Variants in DLC1 observed in about 807,000 individuals in gnomAD.
The protein encoded by DLC1 is rho GTPase-activating protein 7.
A neutral mutation model predicts 140.3 loss-of-function variants in DLC1; 54 were observed. The ratio of observed to expected loss-of-function variants is 0.38; its 90% CI spans 0.31 to 0.48. DLC1 has a LOEUF of 0.48. Ranked by LOEUF, DLC1 falls within the 20% of genes least tolerant of loss-of-function variation. The probability of loss-of-function intolerance (pLI) is 0.96; values close to 1 mark genes in which losing one functional copy is unlikely to be tolerated. For missense variants in DLC1, 2,536 were observed against 1,907.0 expected (o/e 1.33, Z -6.14); for synonymous variants, 986 against 728.1 (o/e 1.35, Z -5.70).
chr8:13,474,309 T>C (rs891556585), intron 2 of DLC1, among the ~76,000 whole-genome samples: 7 of 152,104 alleles, frequency 4.6e-5, no homozygotes, highest in African/African-American at 2.4e-5. Context: ...AAGTCAAGAA[T>C]TGGGGATTGG....
chr8:13,157,921 C>G (rs1379630450), intron 5 of DLC1, among the ~76,000 whole-genome samples: 1 of 152,186 alleles, frequency 6.6e-6, no homozygotes, highest in Non-Finnish European at 1.5e-5. Context: ...GGAAAACTTA[C>G]TCATTTAGTT....
intron 1 of DLC1, among the ~76,000 whole-genome samples, chr8:13,512,853 T>C (rs988504499): frequency 6.6e-6 from 1 of 152,056 alleles, no homozygotes; most frequent in African/African-American, 2.4e-5. Flanking sequence ...TATAATAAAA[T>C]AGTCATAAAG....
rs192497978 is a variant in DLC1 at position 13,142,151 on chromosome 8, A to G, written c.1349-26494T>C. Among the ~76,000 whole-genome samples the G allele has an allele frequency of 4.3e-3, 662 of 152,348 alleles. 9 individuals are homozygous for G. The highest frequency in any genetic ancestry group is 0.022 in the South Asian group (108 of 4,832). On this transcript the variant is annotated intron_variant, in intron 5 of 17. Transcript: ENST00000276297. ...ACTTGCTTCTGCTTCAGCTTCCGCC[A>G]TGATTGTAAGTTTCCTGAGCCTTCC... is the stretch of plus-strand genomic sequence containing the variant.
intron 5 of DLC1, among the ~76,000 whole-genome samples, chr8:13,216,679 C>T (rs2117130480): frequency 6.6e-6 from 1 of 152,242 alleles, no homozygotes. Context: ...CAGGGTTTCT[C>T]AACCTCAGGA....
chr8:13,580,286 C>T (rs1805045143), intron 1 of DLC1, among the ~76,000 whole-genome samples: 2 of 152,206 alleles, frequency 1.3e-5, no homozygotes, highest in East Asian at 3.9e-4. Flanking sequence ...CCACGCGCGG[C>T]TAATTTTTGT....
chr8:13,099,319 C>T, intron 9 of DLC1, 28 bp downstream of exon 9: 1 of 1,593,954 alleles, frequency 6.3e-7, no homozygotes, highest in South Asian at 1.2e-5. Flanking sequence ...CAGTGCCCCA[C>T]ACCCGGAGGC....
intron 1 of DLC1, among the ~76,000 whole-genome samples, chr8:13,581,425 A>G (rs62493201): frequency 0.075 from 11,434 of 152,180 alleles, 661 homozygotes; most frequent in Admixed American, 0.18. Context: ...AATAGAACTA[A>G]TATCTATCCA....
chr8:13,415,337 A>G (rs1838004727), intron 2 of DLC1, among the ~76,000 whole-genome samples: 2 of 152,140 alleles, frequency 1.3e-5, no homozygotes, highest in South Asian at 2.1e-4. Context: ...GCATAAGCAT[A>G]TAAGGATATG....
chr8:13,306,690 C>T (rs978589764), intron 4 of DLC1, among the ~76,000 whole-genome samples: 1 of 150,258 alleles, frequency 6.7e-6, no homozygotes, highest in Admixed American at 6.6e-5. Flanking sequence ...ACGTCTATAT[C>T]CTTGTGAAAT....
intron 2 of DLC1, among the ~76,000 whole-genome samples, chr8:13,473,247 C>G (rs1004009599): frequency 6.6e-6 from 1 of 152,220 alleles, no homozygotes; most frequent in East Asian, 1.9e-4. Context: ...GTGTCCCCAC[C>G]CAAATCTCAT....
At chr8:13,485,667 A>G (rs779944393) in intron 2 of DLC1, among the ~76,000 whole-genome samples, 14 of 152,224 alleles carry the variant, frequency 9.2e-5, no homozygotes, top group Non-Finnish European at 1.8e-4. Context: ...TAAATCTCGT[A>G]ATCTACAGAC....
chr8:13,421,319 T>C (rs925607415), intron 2 of DLC1, among the ~76,000 whole-genome samples: 1 of 152,158 alleles, frequency 6.6e-6, no homozygotes, highest in African/African-American at 2.4e-5. Flanking sequence ...GATGTGTCTC[T>C]GCAACCCCTA....
At chr8:13,157,894 AAAGC>A (rs1824374053) in intron 5 of DLC1, among the ~76,000 whole-genome samples, 1 of 152,240 alleles carries the variant, frequency 6.6e-6, no homozygotes, top group Non-Finnish European at 1.5e-5. Context: ...CAACAAAAAT[AAAGC>A]ACATTTTAAA....
chr8:13,248,563 C>T (rs909110887), intron 5 of DLC1, among the ~76,000 whole-genome samples: 2 of 152,184 alleles, frequency 1.3e-5, no homozygotes, highest in African/African-American at 4.8e-5. Context: ...CCTTGGCAGC[C>T]TCACCGTGGG....
intron 2 of DLC1, among the ~76,000 whole-genome samples, chr8:13,439,432 G>A (rs1452888106): frequency 1.3e-5 from 2 of 151,934 alleles, no homozygotes; most frequent in African/African-American, 4.8e-5. Context: ...ATTTAAGTTT[G>A]AGCACTCCAT....
chr8:13,300,508 C>T (rs769424417), intron 5 of DLC1, among the ~76,000 whole-genome samples: 21 of 152,158 alleles, frequency 1.4e-4, no homozygotes, highest in African/African-American at 5.1e-4. Flanking sequence ...CCCCCTCCCC[C>T]AGTCTCCTGC....
intron 1 of DLC1, among the ~76,000 whole-genome samples, chr8:13,599,681 G>A (rs1805805109): frequency 6.6e-6 from 1 of 151,884 alleles, no homozygotes. Context: ...CATATACCTT[G>A]CATATGGATT....
chr8:13,273,387 C>T (rs142523948), intron 5 of DLC1, among the ~76,000 whole-genome samples: 426 of 152,226 alleles, frequency 2.8e-3, no homozygotes, highest in Non-Finnish European at 4.9e-3. Flanking sequence ...AGACAGAGTA[C>T]CTTGGGGTTG....
At chr8:13,523,756 T>A in intron 1 of DLC1, among the ~76,000 whole-genome samples, 1 of 152,000 alleles carries the variant, frequency 6.6e-6, no homozygotes, top group Non-Finnish European at 1.5e-5. Context: ...GAGACACAAA[T>A]AAAGGAGAGA....
Sources: allele counts gnomAD v4.1 joint callset (sites outside exome capture counted in the v4.1 genomes callset), GRCh38; gene constraint gnomAD v4.1.1; transcripts MANE v1.5; gene names NCBI Gene and HGNC (gene_info 2026-07-23, HGNC 2026-07-21).